Variants in SERPINA4 observed in about 807,000 individuals in gnomAD.
The protein encoded by SERPINA4 is kallistatin.
Under a neutral mutation model 25.4 loss-of-function variants are expected in SERPINA4, and 24 were observed. The observed-to-expected ratio is 0.95, with a 90% CI of 0.69 to 1.33. The LOEUF is 1.33. Ranked by LOEUF, SERPINA4 falls within the 40% of genes most tolerant of loss-of-function variation. The pLI is 0.00. For synonymous variants in SERPINA4, 242 were observed against 223.6 expected (o/e 1.08, Z -0.73); for missense variants, 553 against 535.8 (o/e 1.03, Z -0.32).
intron 4 of SERPINA4, among the ~76,000 whole-genome samples, 195 bp downstream of exon 4, chr14:94,568,483 C>T (rs919267822): frequency 1.1e-4 from 16 of 152,142 alleles, no homozygotes; most frequent in Non-Finnish European, 1.8e-4. Flanking sequence ...AGTGTTGAAC[C>T]AGCCCCTGCC....
At chr14:94,563,372 C>G in intron 1 of SERPINA4, 94 bp from the exon 2 acceptor site, 1 of 1,334,628 alleles carries the variant, frequency 7.5e-7, no homozygotes, top group Admixed American at 2.2e-5. Context: ...GGGTGTCACT[C>G]ACGATCTCCG....
intron 3 of SERPINA4, 110 bp downstream of exon 3, chr14:94,567,353 T>C: frequency 8.4e-7 from 1 of 1,185,134 alleles, no homozygotes; most frequent in Non-Finnish European, 1.2e-6. Context: ...TATGAGAGAA[T>C]TCTCACTTGC....
intron 2 of SERPINA4, among the ~76,000 whole-genome samples, chr14:94,564,351 A>C (rs1315408200): frequency 6.6e-6 from 1 of 152,186 alleles, no homozygotes; most frequent in African/African-American, 2.4e-5. Flanking sequence ...TATTTTCTTC[A>C]TAAAAATAAT....
chr14:94,569,344 A>T (rs1159045176), intron 4 of SERPINA4, 51 bp from the exon 5 acceptor site: 1 of 1,566,270 alleles, frequency 6.4e-7, no homozygotes, highest in South Asian at 1.1e-5. Context: ...AGTCTTGTCC[A>T]GGCCCCCTCT....
At chr14:94,562,989 A>G (rs930664237) in intron 1 of SERPINA4, among the ~76,000 whole-genome samples, 1 of 152,224 alleles carries the variant, frequency 6.6e-6, no homozygotes, top group Non-Finnish European at 1.5e-5. Flanking sequence ...TTTGTGGAAC[A>G]GACCCTAAAA....
chr14:94,569,404 A>G lies in SERPINA4; in HGVS notation c.1093A>G (p.Lys365Glu). The stretch of plus-strand genomic sequence containing the variant: ...GTGATTTTCCTCCCAGAGTTTCCAC[A>G]AGGCCACCTTGGACGTGGATGAGGC... Reference protein sequence around the residue: ...QKLEASKSFHKATLDVDEAGT... With the variant: ...QKLEASKSFHEATLDVDEAGT... Residue 365 changes from lysine (K) to glutamate (E), a missense_variant, in exon 5 of 5, where the codon AAG becomes GAG. Transcript: ENST00000557004. 1 of 1,613,826 alleles carries G rather than the reference A, an allele frequency of 6.2e-7. No individual in the cohort carries two copies. Among genetic ancestry groups the G allele is most frequent in the Non-Finnish European group, 8.5e-7 (1 of 1,180,018 alleles).
At chr14:94,567,965 C>T (rs1902273411) in intron 3 of SERPINA4, among the ~76,000 whole-genome samples, 164 bp from the exon 4 acceptor site, 1 of 152,178 alleles carries the variant, frequency 6.6e-6, no homozygotes, top group African/African-American at 2.4e-5. Context: ...GGAACCTGGC[C>T]TTTCAACATC....
At position 94,563,685 on chromosome 14, in the gene SERPINA4, C is replaced by T. The variant is rs763817158; in HGVS notation, c.203C>T (p.Ser68Leu). The T allele has an allele frequency of 2.5e-5, 41 of 1,613,772 alleles. No individual in the cohort carries two copies. Among genetic ancestry groups the T allele is most frequent in the Admixed American group, 5.0e-5 (3 of 60,008 alleles). Residue 68 changes from serine (S) to leucine (L), a missense_variant, in exon 2 of 5, where the codon TCG becomes TTG. Ser to Leu is a moderately radical substitution (Grantham distance 145). Coordinates refer to ENST00000557004, the MANE Select transcript of SERPINA4 (RefSeq NM_006215.4). Reference sequence around the variant, plus strand: ...TTCCGCTTCTACTACCTGATCGCTTCGGAGACCCCGGGGAAGAACATCTTT... The same window carrying T: ...TTCCGCTTCTACTACCTGATCGCTTTGGAGACCCCGGGGAAGAACATCTTT... ...FAFRFYYLIA[S>L]ETPGKNIFFS...
Position 94,563,542 on chromosome 14 carries a change from C to A in SERPINA4, c.60C>A (p.Gly20=). 1 of 1,614,066 alleles carries A rather than the reference C, an allele frequency of 6.2e-7. No homozygotes were observed. Among genetic ancestry groups the A allele is most frequent in the Non-Finnish European group, 8.5e-7 (1 of 1,180,020 alleles). Residue 20 remains glycine (G), a synonymous_variant, in exon 2 of 5, where the codon GGC becomes GGA. Coordinates refer to ENST00000557004, the MANE Select transcript of SERPINA4 (RefSeq NM_006215.4). ...TTGGACTACTGGCCCTTTCTCATGG[C>A]CAGCTGCACGTTGAGCATGATGGTG... is the stretch of plus-strand genomic sequence containing the variant. ...LLVGLLALSH[G]QLHVEHDGES...
intron 2 of SERPINA4, among the ~76,000 whole-genome samples, chr14:94,565,468 C>T (rs939335083): frequency 2.0e-5 from 3 of 152,160 alleles, no homozygotes; most frequent in African/African-American, 2.4e-5. Flanking sequence ...GGAGCAACTC[C>T]CAGCCTAATG....
Position 94,568,110 on chromosome 14 carries a change from A to G in SERPINA4, c.924-19A>G, listed in dbSNP as rs1180523381. ...GGCTTGTTCATTAATCTAATGTTCT[A>G]ACTCAATGCCCCTTTCAGGAATTTT... is the stretch of plus-strand genomic sequence containing the variant. On this transcript the variant is annotated intron_variant, in intron 3 of 4. Coordinates refer to ENST00000557004, the MANE Select transcript of SERPINA4 (RefSeq NM_006215.4). 2 of 1,613,830 alleles carry G rather than the reference A, an allele frequency of 1.2e-6. No homozygotes were observed. The highest frequency in any genetic ancestry group is 2.2e-5 in the South Asian group (2 of 91,066).
intron 1 of SERPINA4, 182 bp downstream of exon 1, chr14:94,561,676 A>G (rs1473994772): frequency 7.8e-7 from 1 of 1,289,020 alleles, no homozygotes; most frequent in Non-Finnish European, 1.0e-6. Context: ...TCAGGCTAGA[A>G]AGGCCCCGAC....
In SERPINA4 at chr14:94,568,210, G is replaced by A. The variant is rs1483863068; in HGVS notation, c.1005G>A (p.Arg335=). 4.3e-6 allele frequency: 7 copies of A among 1,614,086 alleles called. No individual in the cohort carries two copies. The highest frequency in any genetic ancestry group is 5.9e-6 in the Non-Finnish European group (7 of 1,180,042). ...ATGTATTAGATCAGATTTTGCCCAGGCTGGGCTTCACGGATCTGTTCTCCA... is the reference window on the plus strand; with the variant it reads ...ATGTATTAGATCAGATTTTGCCCAGACTGGGCTTCACGGATCTGTTCTCCA... ...GSYVLDQILP[R]LGFTDLFSKW... Residue 335 remains arginine (R), a synonymous_variant, in exon 4 of 5, where the codon AGG becomes AGA. Transcript: ENST00000557004.
At chr14:94,563,380 C>A in intron 1 of SERPINA4, 86 bp from the exon 2 acceptor site, 2 of 1,404,868 alleles carry the variant, frequency 1.4e-6, no homozygotes, top group Non-Finnish European at 1.9e-6. Flanking sequence ...CTCACGATCT[C>A]CGGGTGCTGG....
chr14:94,569,716 C>G lies in SERPINA4; in HGVS notation c.*121C>G. 5.4e-6 allele frequency: 6 copies of G among 1,100,968 alleles called. No individual in the cohort carries two copies. The Admixed American group carries it at 1.0e-4, about 19-fold the overall frequency. 68.2% of individuals were successfully genotyped at this position (1,100,968 alleles called of 1,614,324 possible). A position where few individuals can be genotyped will look rare whatever the true frequency, so the allele number is the denominator to read the frequency against. Reference sequence around the variant, plus strand: ...ACACCGAAGGTCCAGGAGTCCAGGACAGCAGGTGCTGGCCGGTGGGGAGCG... The same window carrying G: ...ACACCGAAGGTCCAGGAGTCCAGGAGAGCAGGTGCTGGCCGGTGGGGAGCG... On this transcript the variant is annotated 3_prime_UTR_variant, in exon 5 of 5. Transcript: ENST00000557004.
intron 2 of SERPINA4, among the ~76,000 whole-genome samples, chr14:94,564,768 C>T (rs1197411151): frequency 6.6e-6 from 1 of 152,224 alleles, no homozygotes; most frequent in African/African-American, 2.4e-5. Context: ...TTGTTGACCC[C>T]TGACCATTTT....
chr14:94,566,821 TG>T, intron 2 of SERPINA4, 148 bp from the exon 3 acceptor site: 1 of 865,966 alleles, frequency 1.2e-6, no homozygotes, highest in Non-Finnish European at 1.7e-6. Context: ...AGGTTTTGAA[TG>T]GTCAAAATGG....
chr14:94,567,209 A>T lies in SERPINA4; in HGVS notation c.889A>T (p.Met297Leu). 1.9e-6 allele frequency: 3 copies of T among 1,614,110 alleles called. No homozygotes were observed. Among genetic ancestry groups the T allele is most frequent in the East Asian group, 2.2e-5 (1 of 44,876 alleles). ...GATTGAAGAGGTTCTGACTCCAGAG[A>T]TGCTAATGAGGTGGAACAACTTGTT... Reference protein sequence around the residue: ...REIEEVLTPEMLMRWNNLLRK... With the variant: ...REIEEVLTPELLMRWNNLLRK... Residue 297 changes from methionine (M) to leucine (L), a missense_variant, in exon 3 of 5, where the codon ATG becomes TTG. By Grantham distance (15) the Met-to-Leu change is conservative. Coordinates refer to ENST00000557004, the MANE Select transcript of SERPINA4 (RefSeq NM_006215.4).
Position 94,567,211 on chromosome 14 carries a change from G to T in SERPINA4, c.891G>T (p.Met297Ile), listed in dbSNP as rs1902246517. The change falls in exon 3 of 5, where the codon ATG becomes ATT. Residue 297 changes from methionine (M) to isoleucine (I), a missense_variant. Physicochemically the swap from Met to Ile is conservative, Grantham distance 10. Coordinates refer to ENST00000557004, the MANE Select transcript of SERPINA4 (RefSeq NM_006215.4). ...TTGAAGAGGTTCTGACTCCAGAGAT[G>T]CTAATGAGGTGGAACAACTTGTTGC... ...REIEEVLTPE[M>I]LMRWNNLLRK... The T allele has an allele frequency of 1.9e-6, 3 of 1,613,990 alleles. No homozygotes were observed. The African/African-American group carries it at 4.0e-5, about 22-fold the overall frequency.
Sources: allele counts gnomAD v4.1 joint callset (sites outside exome capture counted in the v4.1 genomes callset), GRCh38; gene constraint gnomAD v4.1.1; transcripts MANE v1.5; gene names NCBI Gene and HGNC (gene_info 2026-07-23, HGNC 2026-07-21).